The following THSD7B variants were observed in gnomAD, a reference collection of about 807,000 sequenced individuals.
THSD7B encodes thrombospondin type-1 domain-containing protein 7B.
A neutral mutation model predicts 213.6 loss-of-function variants in THSD7B; 138 were observed. The observed-to-expected ratio is 0.65, with a 90% CI of 0.56 to 0.74. The LOEUF is 0.74. THSD7B is among the 30% of genes least tolerant of loss of function. The pLI is 0.00. For synonymous variants in THSD7B, 742 were observed against 687.0 expected (o/e 1.08, Z -1.25); for missense variants, 1,931 against 1,991.5 (o/e 0.97, Z 0.58).
At chr2:136,834,233 T>TG (rs1340617073) in intron 1 of THSD7B, among the ~76,000 whole-genome samples, 1 of 152,206 alleles carries the variant, frequency 6.6e-6, no homozygotes, top group Non-Finnish European at 1.5e-5. Flanking sequence ...ATCCTGTTGG[T>TG]GGTGAAGTGT....
intron 7 of THSD7B, among the ~76,000 whole-genome samples, chr2:137,181,191 T>C (rs1016464998): frequency 6.6e-6 from 1 of 152,090 alleles, no homozygotes; most frequent in Non-Finnish European, 1.5e-5. Flanking sequence ...AGAAGTAGAG[T>C]TTCTGAAAAA....
intron 2 of THSD7B, among the ~76,000 whole-genome samples, chr2:136,922,584 A>G (rs1356143990): frequency 6.6e-6 from 1 of 152,190 alleles, no homozygotes; most frequent in African/African-American, 2.4e-5. Flanking sequence ...AGCTTCTCCA[A>G]GGAGCTGGGA....
intron 1 of THSD7B, among the ~76,000 whole-genome samples, chr2:136,824,348 GAT>G (rs942396048): frequency 1.3e-5 from 2 of 151,090 alleles, no homozygotes. Flanking sequence ...GTACTGAGCA[GAT>G]ATATATATAT....
At chr2:137,070,656 C>A (rs1687465406) in intron 3 of THSD7B, among the ~76,000 whole-genome samples, 2 of 151,840 alleles carry the variant, frequency 1.3e-5, no homozygotes, top group African/African-American at 4.8e-5. Flanking sequence ...TGGTGTGCTG[C>A]ACCCATTAAC....
At chr2:137,537,628 G>A (rs1680531132) in intron 15 of THSD7B, among the ~76,000 whole-genome samples, 2 of 151,422 alleles carry the variant, frequency 1.3e-5, no homozygotes, top group African/African-American at 4.8e-5. Flanking sequence ...TAGTTTCTTT[G>A]GAACTATTAT....
chr2:137,247,541 A>G (rs1682066894), intron 10 of THSD7B, among the ~76,000 whole-genome samples: 1 of 152,202 alleles, frequency 6.6e-6, no homozygotes, highest in Non-Finnish European at 1.5e-5. Flanking sequence ...GAATATTTCT[A>G]GAAACCATGG....
intron 1 of THSD7B, among the ~76,000 whole-genome samples, chr2:136,785,611 G>A (rs559138029): frequency 7.9e-5 from 12 of 152,196 alleles, no homozygotes; most frequent in South Asian, 2.1e-4. Flanking sequence ...AAGACCAATC[G>A]GCAAACCCAA....
chr2:136,820,030 A>G (rs1005254390), intron 1 of THSD7B, among the ~76,000 whole-genome samples: 3 of 151,960 alleles, frequency 2.0e-5, no homozygotes, highest in African/African-American at 4.8e-5. Context: ...TTCCCTGACC[A>G]CCCTACTTAA....
intron 20 of THSD7B, among the ~76,000 whole-genome samples, chr2:137,623,059 C>T (rs1682551997): frequency 6.6e-6 from 1 of 152,190 alleles, no homozygotes; most frequent in Admixed American, 6.5e-5. Flanking sequence ...CCTTGATGAA[C>T]ATCGATGCAA....
chr2:136,781,533 A>C (rs561734624), intron 1 of THSD7B, among the ~76,000 whole-genome samples: 49 of 151,762 alleles, frequency 3.2e-4, no homozygotes, highest in African/African-American at 1.2e-3. Flanking sequence ...CGGCCTCCCA[A>C]AGTGCTGGAA....
chr2:137,371,021 G>A (rs1363458444), intron 12 of THSD7B, among the ~76,000 whole-genome samples: 10 of 151,340 alleles, frequency 6.6e-5, no homozygotes. Flanking sequence ...ATCTTATTAA[G>A]AACAAACAAA....
intron 2 of THSD7B, among the ~76,000 whole-genome samples, chr2:136,888,818 G>A (rs537175429): frequency 8.9e-4 from 136 of 152,184 alleles, no homozygotes; most frequent in African/African-American, 3.2e-3. Flanking sequence ...TGAGGACAGG[G>A]CATTTTGCTG....
intron 17 of THSD7B, among the ~76,000 whole-genome samples, chr2:137,579,925 A>G (rs1355223565): frequency 6.6e-6 from 1 of 152,110 alleles, no homozygotes; most frequent in Non-Finnish European, 1.5e-5. Flanking sequence ...AGAGTTTTAT[A>G]TACTCTTCCA....
At chr2:136,927,388 GT>G (rs1321333292) in intron 2 of THSD7B, among the ~76,000 whole-genome samples, 2 of 152,256 alleles carry the variant, frequency 1.3e-5, no homozygotes, top group African/African-American at 4.8e-5. Flanking sequence ...TTAAGAAATG[GT>G]TTGAATTCCA....
intron 2 of THSD7B, among the ~76,000 whole-genome samples, chr2:137,054,920 C>G (rs1376153460): frequency 6.6e-6 from 1 of 152,052 alleles, no homozygotes; most frequent in Non-Finnish European, 1.5e-5. Context: ...TCTTAATGCT[C>G]TCCCCACCCT....
At chr2:136,869,040 G>A (rs1286012788) in intron 1 of THSD7B, among the ~76,000 whole-genome samples, 1 of 151,872 alleles carries the variant, frequency 6.6e-6, no homozygotes, top group Non-Finnish European at 1.5e-5. Context: ...TAGTGACTAG[G>A]TTATGTTTTT....
In THSD7B at chr2:137,227,662, A is replaced by G. The variant is rs184832004; in HGVS notation, c.1724-3382A>G. On this transcript the variant is annotated intron_variant, in intron 7 of 27. Coordinates refer to ENST00000409968, the MANE Select transcript of THSD7B (RefSeq NM_001316349.2). ...GGGCAGATGAGGTTATTTAGGCTCA[A>G]GTGCTTTATTTTTGGCTCTTAGATG... 7.9e-5 allele frequency among the ~76,000 whole-genome samples: 12 copies of G among 152,324 alleles called. No homozygotes were observed. The East Asian group carries it at 2.1e-3, about 27-fold the overall frequency.
intron 6 of THSD7B, among the ~76,000 whole-genome samples, chr2:137,161,637 A>G (rs76414281): frequency 0.081 from 12,260 of 152,136 alleles, 650 homozygotes; most frequent in Non-Finnish European, 0.12. Context: ...CTTTTATCAA[A>G]CCATAGAAAT....
At chr2:136,990,674 C>T (rs1685762763) in intron 2 of THSD7B, among the ~76,000 whole-genome samples, 1 of 152,124 alleles carries the variant, frequency 6.6e-6, no homozygotes, top group Non-Finnish European at 1.5e-5. Flanking sequence ...ACTGTAATGG[C>T]AGACAAGTTC....
Sources: allele counts gnomAD v4.1 joint callset (sites outside exome capture counted in the v4.1 genomes callset), GRCh38; gene constraint gnomAD v4.1.1; transcripts MANE v1.5; gene names NCBI Gene and HGNC (gene_info 2026-07-23, HGNC 2026-07-21).